ZBTB20: variants seen among roughly 807,000 people sequenced by gnomAD.
The protein encoded by ZBTB20 is zinc finger and BTB domain containing 20.
A neutral mutation model predicts 56.9 loss-of-function variants in ZBTB20; 9 were observed. The observed-to-expected ratio is 0.16, with a 90% confidence interval of 0.10 to 0.28. ZBTB20 has a LOEUF of 0.28. Ranked by LOEUF, ZBTB20 falls within the 10% of genes least tolerant of loss-of-function variation. The pLI, the probability that ZBTB20 is intolerant of heterozygous loss-of-function variation, is 1.00. For synonymous variants in ZBTB20, 417 were observed against 420.7 expected, an observed-to-expected ratio of 0.99 and a Z score of 0.11; for missense variants, 655 against 1,003.0, an observed-to-expected ratio of 0.65 and a Z score of 4.69.
chr3:114,387,272 A>G (rs1375675167), intron 8 of ZBTB20: 1 of 152,098 alleles, frequency 6.6e-6, no homozygotes, highest in Non-Finnish European at 1.5e-5. Flanking sequence ...TCTGTAAATG[A>G]TTCACATTTT....
intron 3 of ZBTB20, among the ~76,000 whole-genome samples, chr3:114,955,949 TTAAATC>T (rs1420598404): frequency 6.6e-6 from 1 of 152,154 alleles, no homozygotes; most frequent in Non-Finnish European, 1.5e-5. Context: ...TAACAATTGT[TTAAATC>T]TAAAGTTTGG....
intron 6 of ZBTB20, among the ~76,000 whole-genome samples, chr3:114,518,039 T>A (rs1031139062): frequency 3.9e-5 from 6 of 152,092 alleles, no homozygotes; most frequent in African/African-American, 1.2e-4. Flanking sequence ...TATATCCTCA[T>A]AAGAATACAT....
chr3:114,514,631 A>G (rs2045778490), intron 6 of ZBTB20, among the ~76,000 whole-genome samples: 1 of 152,184 alleles, frequency 6.6e-6, no homozygotes, highest in Non-Finnish European at 1.5e-5. Context: ...GTAATGGGGA[A>G]TACTTTATTT....
chr3:114,747,328 G>A (rs1446596618), intron 5 of ZBTB20, among the ~76,000 whole-genome samples: 3 of 152,170 alleles, frequency 2.0e-5, no homozygotes, highest in Non-Finnish European at 4.4e-5. Flanking sequence ...CACTTTGAGA[G>A]GCTGAGGCAG....
intron 5 of ZBTB20, among the ~76,000 whole-genome samples, chr3:114,720,114 T>C (rs1299567815): frequency 6.7e-6 from 1 of 149,246 alleles, no homozygotes; most frequent in Non-Finnish European, 1.5e-5. Flanking sequence ...GTGTATAATA[T>C]GTATATATTG....
rs1560609476 is a variant in ZBTB20 at position 115,147,266 on chromosome 3, C to G, written c.-750G>C. ...TTTCCTCAACTCCTAAACTTCCCCC[C>G]GCCCCTACTTCTTCGGCAGAAGGCC... On this transcript the variant is annotated 5_prime_UTR_variant, in exon 1 of 12. Transcript: ENST00000675478. The G allele has an allele frequency of 6.6e-6, 1 of 151,892 alleles. No individual in the cohort carries two copies. The highest frequency in any genetic ancestry group is 2.4e-5 in the African/African-American group (1 of 41,210). The allele number at this position is 151,892 out of a possible 1,614,324, so 9.4% of individuals were successfully genotyped here.
intron 6 of ZBTB20, among the ~76,000 whole-genome samples, chr3:114,563,816 CTTA>C (rs1164783643): frequency 6.6e-6 from 1 of 152,084 alleles, no homozygotes; most frequent in Non-Finnish European, 1.5e-5. Context: ...TTAATAAAGG[CTTA>C]TTATTTTTCC....
intron 4 of ZBTB20, among the ~76,000 whole-genome samples, chr3:114,840,039 T>C (rs1424005335): frequency 6.6e-6 from 1 of 152,162 alleles, no homozygotes; most frequent in African/African-American, 2.4e-5. Context: ...GAACAAGTAA[T>C]TATGTTTTCC....
chr3:115,052,095 C>T (rs919207767), intron 2 of ZBTB20, among the ~76,000 whole-genome samples: 1 of 151,794 alleles, frequency 6.6e-6, no homozygotes, highest in Non-Finnish European at 1.5e-5. Flanking sequence ...ACACAGAGCC[C>T]AACCATATCA....
intron 6 of ZBTB20, chr3:114,687,552 G>A (rs906944900): frequency 3.3e-5 from 5 of 150,276 alleles, no homozygotes; most frequent in African/African-American, 9.8e-5. Context: ...CAATCCATAG[G>A]GAGATTTACT....
chr3:115,002,018 C>T (rs896778802), intron 2 of ZBTB20, among the ~76,000 whole-genome samples: 1 of 151,466 alleles, frequency 6.6e-6, no homozygotes, highest in Non-Finnish European at 1.5e-5. Flanking sequence ...AGTCAAGGTA[C>T]TGTGGTATTT....
intron 1 of ZBTB20, among the ~76,000 whole-genome samples, chr3:115,075,495 A>G (rs1231151260): frequency 6.6e-6 from 1 of 152,124 alleles, no homozygotes; most frequent in East Asian, 1.9e-4. Context: ...TCCACTGTGT[A>G]TATATACCAT....
chr3:114,664,443 A>G (rs140027722), intron 6 of ZBTB20, among the ~76,000 whole-genome samples: 4 of 152,272 alleles, frequency 2.6e-5, no homozygotes, highest in Non-Finnish European at 5.9e-5. Context: ...GTAGTACTGT[A>G]TCAACCTGTC....
At chr3:115,093,853 T>C (rs1045649612) in intron 1 of ZBTB20, among the ~76,000 whole-genome samples, 18 of 152,180 alleles carry the variant, frequency 1.2e-4, no homozygotes, top group African/African-American at 4.3e-4. Context: ...GGAATCTGTC[T>C]TGGAGTGCAG....
intron 4 of ZBTB20, among the ~76,000 whole-genome samples, chr3:114,888,438 T>C (rs2076687502): frequency 6.6e-6 from 1 of 152,108 alleles, no homozygotes; most frequent in South Asian, 2.1e-4. Context: ...AAGTGGTATA[T>C]TGATGTAAAT....
intron 5 of ZBTB20, among the ~76,000 whole-genome samples, chr3:114,754,806 T>C (rs1482639024): frequency 6.6e-6 from 1 of 152,182 alleles, no homozygotes; most frequent in Admixed American, 6.5e-5. Context: ...TTTTGTCTAA[T>C]CTAGGTGTTT....
At chr3:114,621,853 A>T (rs1306944309) in intron 6 of ZBTB20, among the ~76,000 whole-genome samples, 1 of 152,208 alleles carries the variant, frequency 6.6e-6, no homozygotes, top group Non-Finnish European at 1.5e-5. Context: ...CACAAAAAAT[A>T]CATCGTCTTG....
At chr3:114,352,668 T>C (rs1462327958) in intron 10 of ZBTB20, among the ~76,000 whole-genome samples, 1 of 152,230 alleles carries the variant, frequency 6.6e-6, no homozygotes, top group Non-Finnish European at 1.5e-5. Context: ...GAAGGTTTTC[T>C]GAATTTTCTG....
intron 2 of ZBTB20, among the ~76,000 whole-genome samples, chr3:115,060,410 C>T (rs2081973117): frequency 6.6e-6 from 1 of 152,120 alleles, no homozygotes; most frequent in African/African-American, 2.4e-5. Flanking sequence ...ATCCGTAATT[C>T]CATTTCAGTT....
Sources: gnomAD v4.1 joint callset for allele counts (sites outside exome capture counted in the v4.1 genomes callset) on GRCh38, gnomAD v4.1.1 for gene constraint, MANE v1.5 for transcripts, NCBI Gene and HGNC (gene_info 2026-07-23, HGNC 2026-07-21) for gene names.